Variants in PHACTR1 observed in about 807,000 individuals in gnomAD.
PHACTR1 encodes the protein phosphatase and actin regulator 1, also known as RPEL repeat containing 1.
PHACTR1 carries 16 observed loss-of-function variants against 69.2 expected under a neutral mutation model. That is an observed-to-expected ratio of 0.23 (90% CI 0.16 to 0.35). The LOEUF (loss-of-function observed/expected upper bound fraction) is 0.35. PHACTR1 is among the 10% of genes least tolerant of loss of function. The pLI is 1.00. For synonymous variants in PHACTR1, 312 were observed against 284.5 expected, an observed-to-expected ratio of 1.10 and a Z score of -0.97; for missense variants, 510 against 734.7, an observed-to-expected ratio of 0.69 and a Z score of 3.54.
chr6:12,772,233 C>T (rs1055101639), intron 4 of PHACTR1, among the ~76,000 whole-genome samples: 1 of 152,142 alleles, frequency 6.6e-6, no homozygotes, highest in South Asian at 2.1e-4. Flanking sequence ...AAATGAGATC[C>T]TGTTTTCTAA....
chr6:13,236,375 A>G (rs930115166), intron 10 of PHACTR1, among the ~76,000 whole-genome samples: 1 of 152,168 alleles, frequency 6.6e-6, no homozygotes, highest in Non-Finnish European at 1.5e-5. Context: ...GCCATAACAG[A>G]GTCCCACAAA....
intron 4 of PHACTR1, among the ~76,000 whole-genome samples, chr6:12,798,911 G>T (rs1187623187): frequency 1.3e-5 from 2 of 152,178 alleles, no homozygotes; most frequent in African/African-American, 4.8e-5. Context: ...CATTATAGTT[G>T]ATTGTTTTTC....
At chr6:12,871,139 G>A (rs965724558) in intron 4 of PHACTR1, among the ~76,000 whole-genome samples, 1 of 151,788 alleles carries the variant, frequency 6.6e-6, no homozygotes, top group Non-Finnish European at 1.5e-5. Context: ...AACTGATGAA[G>A]AAGAAAGACT....
chr6:12,981,100 C>A (rs1384662020), intron 4 of PHACTR1, among the ~76,000 whole-genome samples: 13 of 152,330 alleles, frequency 8.5e-5, no homozygotes, highest in Non-Finnish European at 4.4e-5. Context: ...CAGCTTATTC[C>A]TGCAACATTG....
At chr6:13,037,213 G>A (rs922353920) in intron 4 of PHACTR1, among the ~76,000 whole-genome samples, 47 of 152,170 alleles carry the variant, frequency 3.1e-4, no homozygotes, top group African/African-American at 1.1e-3. Context: ...TGACACCATA[G>A]TGATCAGAGG....
intron 5 of PHACTR1, among the ~76,000 whole-genome samples, chr6:13,101,712 C>G (rs537983060): frequency 5.9e-5 from 9 of 152,208 alleles, no homozygotes; most frequent in African/African-American, 2.2e-4. Flanking sequence ...GTGGGCTGAC[C>G]AGCAAAAAGT....
chr6:12,852,957 G>A (rs146948196), intron 4 of PHACTR1, among the ~76,000 whole-genome samples: 114 of 152,172 alleles, frequency 7.5e-4, no homozygotes, highest in Middle Eastern at 3.4e-3. Context: ...TATCAGCACT[G>A]GGTATAATGC....
chr6:12,792,538 G>A (rs916352299), intron 4 of PHACTR1, among the ~76,000 whole-genome samples: 4 of 143,002 alleles, frequency 2.8e-5, no homozygotes, highest in Non-Finnish European at 4.5e-5. Flanking sequence ...TATATAGAGT[G>A]GTTTTATTAC....
At position 13,249,537 on chromosome 6, in the gene PHACTR1, G is replaced by T. The variant is rs943121783; in HGVS notation, c.1391+19344G>T. On this transcript the variant is annotated intron_variant, in intron 10 of 14. Transcript: ENST00000332995. Reference sequence around the variant, plus strand: ...GATTAAGCCGGGCGTGGTGGCTCATGCCTGTAATCCCAGCACTTTGGGAGG... The same window carrying T: ...GATTAAGCCGGGCGTGGTGGCTCATTCCTGTAATCCCAGCACTTTGGGAGG... 3.9e-5 allele frequency among the ~76,000 whole-genome samples: 6 copies of T among 152,154 alleles called. No homozygotes were observed. The South Asian group carries it at 1.0e-3, about 26-fold the overall frequency.
At chr6:13,060,575 G>A (rs1807524628) in intron 5 of PHACTR1, among the ~76,000 whole-genome samples, 1 of 152,160 alleles carries the variant, frequency 6.6e-6, no homozygotes, top group Admixed American at 6.5e-5. Context: ...CAGAAAGAAG[G>A]GCTAGTATCA....
At chr6:12,868,986 G>C (rs1035318811) in intron 4 of PHACTR1, among the ~76,000 whole-genome samples, 2 of 152,044 alleles carry the variant, frequency 1.3e-5, no homozygotes, top group South Asian at 2.1e-4. Context: ...GTCGGTTCCA[G>C]GTCTTGGGTA....
chr6:12,859,311 A>G (rs904817428), intron 4 of PHACTR1, among the ~76,000 whole-genome samples: 9 of 152,188 alleles, frequency 5.9e-5, no homozygotes, highest in Admixed American at 1.3e-4. Context: ...GGATATAACC[A>G]TAAAAGAGCT....
chr6:12,922,850 T>C (rs1403963045), intron 4 of PHACTR1, among the ~76,000 whole-genome samples: 2 of 152,178 alleles, frequency 1.3e-5, no homozygotes, highest in African/African-American at 4.8e-5. Flanking sequence ...AAGATTGGCA[T>C]TGCCTTTGGA....
chr6:13,053,628 G>C, intron 5 of PHACTR1, 99 bp downstream of exon 5: 1 of 1,377,678 alleles, frequency 7.3e-7, no homozygotes, highest in African/African-American at 1.5e-5. Flanking sequence ...TGAACCAAAG[G>C]AGAAAAAATA....
intron 10 of PHACTR1, among the ~76,000 whole-genome samples, chr6:13,249,292 G>C (rs79668746): frequency 0.056 from 8,486 of 151,926 alleles, 429 homozygotes; most frequent in African/African-American, 0.13. Flanking sequence ...TCGGTTTCAC[G>C]TTCCTTATGA....
intron 5 of PHACTR1, among the ~76,000 whole-genome samples, chr6:13,151,530 G>A (rs1343670067): frequency 4.6e-5 from 7 of 152,174 alleles, no homozygotes; most frequent in South Asian, 2.1e-4. Context: ...ACACAGTAGC[G>A]ATGTTTGTAT....
At chr6:13,260,681 C>A (rs1267571775) in intron 10 of PHACTR1, among the ~76,000 whole-genome samples, 1 of 152,130 alleles carries the variant, frequency 6.6e-6, no homozygotes, top group Non-Finnish European at 1.5e-5. Flanking sequence ...GACTGGCATG[C>A]ATCATACTGC....
chr6:13,286,745 T>C (rs1781763101), intron 14 of PHACTR1, among the ~76,000 whole-genome samples: 1 of 152,282 alleles, frequency 6.6e-6, no homozygotes, highest in African/African-American at 2.4e-5. Context: ...TTGATTTAAT[T>C]CTGACTTTCT....
chr6:13,053,575 T>A, intron 5 of PHACTR1, 46 bp downstream of exon 5: 3 of 1,582,532 alleles, frequency 1.9e-6, no homozygotes, highest in Non-Finnish European at 2.6e-6. Context: ...TTTGTTGCCT[T>A]CAACTCTATT....
Sources: allele counts gnomAD v4.1 joint callset (sites outside exome capture counted in the v4.1 genomes callset), GRCh38; gene constraint gnomAD v4.1.1; transcripts MANE v1.5; gene names NCBI Gene and HGNC (gene_info 2026-07-23, HGNC 2026-07-21).